The following DIAPH2 variants were observed in gnomAD, a reference collection of about 807,000 sequenced individuals.
The protein encoded by DIAPH2 is diaphanous related formin 2.
DIAPH2 carries 35 observed loss-of-function variants against 92.7 expected under a neutral mutation model. That is an observed-to-expected ratio of 0.38 (90% confidence interval 0.29 to 0.50). The LOEUF is 0.50. Ranked by LOEUF, DIAPH2 falls within the 20% of genes least tolerant of loss-of-function variation. The pLI, the probability that DIAPH2 is intolerant of heterozygous loss-of-function variation, is 0.94. For missense variants in DIAPH2, 701 were observed against 819.5 expected (o/e 0.86, Z 1.77); for synonymous variants, 301 against 280.4 (o/e 1.07, Z -0.73).
At chrX:97,229,205 T>G (rs146761224) in intron 22 of DIAPH2, among the ~76,000 whole-genome samples, 1,230 of 112,630 alleles carry the variant, frequency 0.011, 15 homozygotes, top group African/African-American at 0.038. Flanking sequence ...TTAGTCATAT[T>G]CATTAGTTTC....
At chrX:97,315,739 A>T (rs750117373) in intron 23 of DIAPH2, among the ~76,000 whole-genome samples, 2 of 109,745 alleles carry the variant, frequency 1.8e-5, no homozygotes, top group African/African-American at 6.6e-5. Context: ...CTGAGTTGAA[A>T]TTTTAGTTTT....
At position 97,337,369 on chromosome X, in the gene DIAPH2, G is replaced by A. The variant is rs961066538; in HGVS notation, c.2845-10747G>A. 3.6e-5 allele frequency among the ~76,000 whole-genome samples: 4 copies of A among 111,239 alleles called. No individual in the cohort carries two copies. In the Admixed American group the frequency reaches 3.8e-4, roughly 11 times the overall value. On this transcript the variant is annotated intron_variant, in intron 23 of 26. Coordinates refer to ENST00000324765, the MANE Select transcript of DIAPH2 (RefSeq NM_006729.5). ...TCCCCATAATCTCCACGTGTCATGG[G>A]AGGGACCCATTGGGAAGTGATTGGA...
At chrX:96,852,430 TA>T (rs1211755555) in intron 4 of DIAPH2, among the ~76,000 whole-genome samples, 1 of 112,519 alleles carries the variant, frequency 8.9e-6, no homozygotes, top group Non-Finnish European at 1.9e-5. Flanking sequence ...TATGAGGTTT[TA>T]CTTCACTGGT....
chrX:97,013,080 G>T (rs1488731504), intron 17 of DIAPH2, among the ~76,000 whole-genome samples: 1 of 111,896 alleles, frequency 8.9e-6, no homozygotes, highest in Non-Finnish European at 1.9e-5. Context: ...GATGCTGGAA[G>T]GTTCAGGCAT....
chrX:96,793,240 A>G (rs1281338289), intron 4 of DIAPH2, among the ~76,000 whole-genome samples: 1 of 111,987 alleles, frequency 8.9e-6, no homozygotes, highest in Non-Finnish European at 1.9e-5. Flanking sequence ...GGCTCACTGT[A>G]TCCTCTGTCT....
intron 20 of DIAPH2, among the ~76,000 whole-genome samples, chrX:97,112,868 A>G (rs1399738739): frequency 1.1e-5 from 1 of 91,233 alleles, no homozygotes; most frequent in African/African-American, 4.2e-5. Flanking sequence ...ACCTCCGCCT[A>G]CCAGGCTCAA....
At chrX:97,315,371 G>A (rs16982389) in intron 23 of DIAPH2, among the ~76,000 whole-genome samples, 2,439 of 111,914 alleles carry the variant, frequency 0.022, 84 homozygotes, top group African/African-American at 0.075. Context: ...ATGATATGGC[G>A]TAACAGAGAT....
intron 26 of DIAPH2, among the ~76,000 whole-genome samples, chrX:97,432,399 A>T (rs1271129781): frequency 9.0e-6 from 1 of 110,805 alleles, no homozygotes; most frequent in African/African-American, 3.3e-5. Flanking sequence ...GGTTCAAGAG[A>T]TTCTCGTGCC....
chrX:96,743,824 G>T (rs1025299109), intron 3 of DIAPH2, among the ~76,000 whole-genome samples: 1 of 111,326 alleles, frequency 9.0e-6, no homozygotes, highest in Non-Finnish European at 1.9e-5. Flanking sequence ...AATGCTAAGA[G>T]TAGATGTAAA....
chrX:97,220,666 A>G (rs909575174), intron 22 of DIAPH2, among the ~76,000 whole-genome samples: 2 of 111,781 alleles, frequency 1.8e-5, no homozygotes, highest in African/African-American at 6.5e-5. Flanking sequence ...GTTACAGAGA[A>G]GTAGATGTCC....
chrX:97,025,274 C>T (rs1172952529), intron 17 of DIAPH2, among the ~76,000 whole-genome samples: 1 of 110,720 alleles, frequency 9.0e-6, no homozygotes, highest in Non-Finnish European at 1.9e-5. Context: ...CGTTTGAACT[C>T]GGGAGGCAGA....
At chrX:97,394,457 A>G (rs1278348610) in intron 25 of DIAPH2, among the ~76,000 whole-genome samples, 1 of 111,486 alleles carries the variant, frequency 9.0e-6, no homozygotes, top group African/African-American at 3.3e-5. Flanking sequence ...AGATTTCAAG[A>G]AATCTATGTT....
intron 16 of DIAPH2, among the ~76,000 whole-genome samples, chrX:96,958,687 A>G (rs1199911196): frequency 9.0e-6 from 1 of 111,161 alleles, no homozygotes; most frequent in Non-Finnish European, 1.9e-5. Flanking sequence ...TTATCTAACT[A>G]TATGTTCATA....
rs183286591 is a variant in DIAPH2 at position 97,429,555 on chromosome X, G to A, written c.3146-95G>A. The A allele has an allele frequency of 4.6e-5, 49 of 1,071,382 alleles. No individual in the cohort carries two copies. The Admixed American group carries it at 7.2e-4, about 16-fold the overall frequency. The allele number at this position is 1,071,382 out of a possible 1,213,427, so 88.3% of individuals were successfully genotyped here. ...ACAGATATATGTCTTTAATTTAGGG[G>A]TATTATGTAAATCTGACAGGAGTTT... On this transcript the variant is annotated intron_variant, in intron 25 of 26. Coordinates refer to ENST00000324765, the MANE Select transcript of DIAPH2 (RefSeq NM_006729.5).
chrX:96,735,703 T>G, intron 1 of DIAPH2, 55 bp from the exon 2 acceptor site: 1 of 638,001 alleles, frequency 1.6e-6, no homozygotes. Context: ...GTTTGATCTA[T>G]GAGTTTCTCT....
At chrX:96,880,674 A>G (rs1047909132) in intron 4 of DIAPH2, among the ~76,000 whole-genome samples, 1 of 111,636 alleles carries the variant, frequency 9.0e-6, no homozygotes, top group African/African-American at 3.3e-5. Context: ...ATTTTTATGA[A>G]CCTGTAAAAT....
chrX:97,104,342 CCTT>C (rs1160899269), intron 20 of DIAPH2, among the ~76,000 whole-genome samples: 3 of 109,201 alleles, frequency 2.7e-5, no homozygotes, highest in African/African-American at 1.0e-4. Context: ...CCTTTCCTCT[CCTT>C]CTTAAATAAT....
chrX:97,042,211 T>C (rs768935864), intron 17 of DIAPH2, among the ~76,000 whole-genome samples: 11 of 112,172 alleles, frequency 9.8e-5, no homozygotes, highest in African/African-American at 6.5e-5. Context: ...GAAGTTCTTC[T>C]TGATCTATAA....
intron 23 of DIAPH2, among the ~76,000 whole-genome samples, chrX:97,301,268 G>C (rs2068703483): frequency 9.0e-6 from 1 of 110,510 alleles, no homozygotes; most frequent in African/African-American, 3.3e-5. Flanking sequence ...TATATGTACA[G>C]TTAAACATGA....
Sources: allele counts gnomAD v4.1 joint callset (sites outside exome capture counted in the v4.1 genomes callset), GRCh38; gene constraint gnomAD v4.1.1; transcripts MANE v1.5; gene names NCBI Gene and HGNC (gene_info 2026-07-23, HGNC 2026-07-21).